Variants in FHIP2A observed in about 807,000 individuals in gnomAD.
The protein encoded by FHIP2A is family with sequence similarity 160 member B1.
FHIP2A carries 46 observed loss-of-function variants against 93.5 expected under a neutral mutation model. That is an observed-to-expected ratio of 0.49 (90% CI 0.39 to 0.63). The LOEUF is 0.63. FHIP2A is among the 20% of genes least tolerant of loss of function. The probability of loss-of-function intolerance (pLI) is 0.00; values close to 1 mark genes in which losing one functional copy is unlikely to be tolerated. For synonymous variants in FHIP2A, 332 were observed against 326.5 expected, an observed-to-expected ratio of 1.02 and a Z score of -0.18; for missense variants, 769 against 909.7, an observed-to-expected ratio of 0.85 and a Z score of 1.99.
At chr10:114,822,196 A>G (rs2143008800) in intron 1 of FHIP2A, 73 bp downstream of exon 1, 2 of 999,654 alleles carry the variant, frequency 2.0e-6, no homozygotes, top group Non-Finnish European at 2.6e-6. Context: ...GGCCTCGGGG[A>G]CAAGCCGGGC....
intron 5 of FHIP2A, among the ~76,000 whole-genome samples, chr10:114,837,521 T>C (rs2083643022): frequency 6.6e-6 from 1 of 152,162 alleles, no homozygotes; most frequent in Admixed American, 6.5e-5. Context: ...TCTCAAATAA[T>C]ACAAAATACA....
Position 114,843,123 on chromosome 10 carries a change from G to A in FHIP2A, c.713G>A (p.Ser238Asn). ...CATCAGATGGATCACCTGTCCACAA[G>A]CTTGGATAACCTCAGTGTCACCTCA... is the stretch of plus-strand genomic sequence containing the variant. Reference protein sequence around the residue: ...PPHQMDHLSTSLDNLSVTSLP... With the variant: ...PPHQMDHLSTNLDNLSVTSLP... Residue 238 changes from serine to asparagine, a missense_variant, in exon 6 of 17, where the codon AGC (serine) becomes AAC (asparagine). Coordinates refer to ENST00000369248, the MANE Select transcript of FHIP2A (RefSeq NM_020940.4). 1.9e-6 allele frequency: 3 copies of A among 1,614,044 alleles called. No homozygotes were observed. The highest frequency in any genetic ancestry group is 2.2e-5 in the South Asian group (2 of 91,076).
chr10:114,834,139 A>T (rs2083624001), intron 3 of FHIP2A, among the ~76,000 whole-genome samples: 2 of 152,216 alleles, frequency 1.3e-5, no homozygotes, highest in Non-Finnish European at 2.9e-5. Context: ...AATTAGGCTA[A>T]AACAAAAGAA....
chr10:114,853,559 G>A (rs2083748761), intron 13 of FHIP2A, among the ~76,000 whole-genome samples: 2 of 152,126 alleles, frequency 1.3e-5, no homozygotes, highest in South Asian at 4.1e-4. Context: ...TTTTTAAACT[G>A]CTTTTATTCT....
intron 13 of FHIP2A, among the ~76,000 whole-genome samples, chr10:114,851,063 G>A (rs2083732608): frequency 6.6e-6 from 1 of 152,052 alleles, no homozygotes; most frequent in Non-Finnish European, 1.5e-5. Context: ...ACAGGCTTGT[G>A]CCACCATGCC....
intron 1 of FHIP2A, among the ~76,000 whole-genome samples, chr10:114,824,699 G>A (rs1424804325): frequency 6.6e-6 from 1 of 152,166 alleles, no homozygotes; most frequent in Non-Finnish European, 1.5e-5. Context: ...TTAGTTTCCA[G>A]TTATTCAGTT....
In FHIP2A at chr10:114,822,076, A is replaced by G. The variant is rs1254321633; in HGVS notation, c.-3A>G. On this transcript the variant is annotated 5_prime_UTR_variant, in exon 1 of 17. Transcript: ENST00000369248. ...GGAGAGGCTGCTGCAGTCCCGGGAC[A>G]GGATGTTCTCCAAGTTCACCTCCAT... 28 of 1,336,352 alleles carry G rather than the reference A, an allele frequency of 2.1e-5. No homozygotes were observed. The highest frequency in any genetic ancestry group is 2.7e-5 in the Admixed American group (1 of 37,554). 82.8% of individuals were successfully genotyped at this position (1,336,352 alleles called of 1,614,324 possible).
intron 16 of FHIP2A, among the ~76,000 whole-genome samples, chr10:114,888,942 G>C (rs972908037): frequency 2.6e-5 from 4 of 152,148 alleles, no homozygotes; most frequent in African/African-American, 9.7e-5. Context: ...GTTTGCTGAT[G>C]AAGTTTTGCT....
At chr10:114,840,540 A>T (rs2083662944) in intron 5 of FHIP2A, among the ~76,000 whole-genome samples, 1 of 152,212 alleles carries the variant, frequency 6.6e-6, no homozygotes, top group Non-Finnish European at 1.5e-5. Flanking sequence ...GAGAGATAAA[A>T]TCAGGGAAAC....
At position 114,848,610 on chromosome 10, in the gene FHIP2A, T is replaced by C. The variant is rs749416590; in HGVS notation, c.1713-37T>C. 10 of 1,173,652 alleles carry C rather than the reference T, an allele frequency of 8.5e-6. No individual in the cohort carries two copies. The South Asian group carries it at 1.3e-4, about 15-fold the overall frequency. The allele number at this position is 1,173,652 out of a possible 1,614,324, so 72.7% of individuals were successfully genotyped here. ...TTTTTCCTTTTTTTTTTCATGCAAA[T>C]GGACATCTTGCATAATTGTGGCCGT... On this transcript the variant is annotated intron_variant, in intron 12 of 16. Transcript: ENST00000369248.
intron 16 of FHIP2A, among the ~76,000 whole-genome samples, chr10:114,878,513 T>C (rs1262788786): frequency 6.6e-6 from 1 of 152,154 alleles, no homozygotes; most frequent in Non-Finnish European, 1.5e-5. Flanking sequence ...GCGCAGTGGC[T>C]CACTCCTGTA....
At chr10:114,864,839 C>G, downstream of FHIP2A, 1 of 234,722 alleles carries the variant, frequency 4.3e-6, no homozygotes, top group Non-Finnish European at 7.0e-6. Context: ...ATCAGTGGGT[C>G]TCTATAGTAT....
chr10:114,873,988 T>G (rs976676798), intron 16 of FHIP2A, among the ~76,000 whole-genome samples: 5 of 152,112 alleles, frequency 3.3e-5, no homozygotes, highest in African/African-American at 1.2e-4. Flanking sequence ...TAGCACTGCA[T>G]TGACTTGGCA....
chr10:114,895,901 T>C (rs10885628), intron 16 of FHIP2A, among the ~76,000 whole-genome samples: 44,726 of 152,082 alleles, frequency 0.29, 7,688 homozygotes, highest in Middle Eastern at 0.43. Context: ...GTTTTCTTAT[T>C]TGAAAAACAG....
At chr10:114,894,395 C>CAAAAAA (rs3086069) in intron 16 of FHIP2A, among the ~76,000 whole-genome samples, 1 of 109,260 alleles carries the variant, frequency 9.2e-6, no homozygotes, top group African/African-American at 3.3e-5. Context: ...CCCATCTCTA[C>CAAAAAA]AAAAAAAAAA....
In FHIP2A at chr10:114,846,303, C is replaced by T. The variant is rs2083700695; in HGVS notation, c.1334C>T (p.Ala445Val). The T allele has an allele frequency of 6.2e-7, 1 of 1,614,116 alleles. No homozygotes were observed. The highest frequency in any genetic ancestry group is 8.5e-7 in the Non-Finnish European group (1 of 1,180,004). Residue 445 changes from alanine (A) to valine (V), a missense_variant, in exon 10 of 17, where the codon GCA (alanine) becomes GTA (valine). Coordinates refer to ENST00000369248, the MANE Select transcript of FHIP2A (RefSeq NM_020940.4). Reference sequence around the variant, plus strand: ...GAACAGAGGGAACCAGAAACTCTGGCAGAAATCAGCAGACATCCTTTAAGG... The same window carrying T: ...GAACAGAGGGAACCAGAAACTCTGGTAGAAATCAGCAGACATCCTTTAAGG... ...LGEQREPETL[A>V]EISRHPLRHR...
intron 14 of FHIP2A, among the ~76,000 whole-genome samples, chr10:114,856,322 A>G (rs1191555634): frequency 6.6e-6 from 1 of 152,032 alleles, no homozygotes; most frequent in African/African-American, 2.4e-5. Flanking sequence ...TCTTAATAGC[A>G]TTCGCTGTAT....
At chr10:114,861,372 T>A (rs774146789) in intron 16 of FHIP2A, 38 bp downstream of exon 16, 9 of 1,613,692 alleles carry the variant, frequency 5.6e-6, no homozygotes, top group Non-Finnish European at 7.6e-6. Context: ...TCCAAAAATT[T>A]CAGTGAACTT....
At chr10:114,878,332 C>T (rs1224982981) in intron 16 of FHIP2A, among the ~76,000 whole-genome samples, 1 of 152,150 alleles carries the variant, frequency 6.6e-6, no homozygotes, top group East Asian at 1.9e-4. Context: ...ACTGAACTCC[C>T]TGGCCAAGCT....
Sources: gnomAD v4.1 joint callset for allele counts (sites outside exome capture counted in the v4.1 genomes callset) on GRCh38, gnomAD v4.1.1 for gene constraint, MANE v1.5 for transcripts, NCBI Gene and HGNC (gene_info 2026-07-23, HGNC 2026-07-21) for gene names.